The following TENM4 variants were observed in gnomAD, a reference collection of about 807,000 sequenced individuals.
The protein encoded by TENM4 is teneurin transmembrane protein 4.
In TENM4, 82 loss-of-function variants were observed where a neutral mutation model predicts 243.3. The observed-to-expected ratio is 0.34, with a 90% CI of 0.28 to 0.40. TENM4 has a LOEUF of 0.40. Ranked by LOEUF, TENM4 falls within the 10% of genes least tolerant of loss-of-function variation. The pLI is 1.00. For synonymous variants in TENM4, 1,412 were observed against 1,456.3 expected (o/e 0.97, Z 0.69); for missense variants, 3,138 against 3,673.3 (o/e 0.85, Z 3.77).
chr11:78,658,668 C>G lies in TENM4; in HGVS notation c.7700G>C (p.Gly2567Ala). Residue 2567 changes from glycine to alanine, a missense_variant, in exon 34 of 34, where the codon GGC becomes GCC. Gly to Ala is a moderately conservative substitution (Grantham distance 60, BLOSUM62 0). This residue lies in a region of TENM4 where 2,467 missense variants were observed against 3,059.1 expected (regional missense o/e 0.81). Coordinates refer to ENST00000278550, the MANE Select transcript of TENM4 (RefSeq NM_001098816.3). ...KKFASSGSVF[G>A]KGVKFALKDG... ...CTTCAAGGCAAACTTGACCCCCTTG[C>G]CAAAGACTGAGCCGCTGGATGCAAA... 6.2e-7 allele frequency: 1 copy of G among 1,614,074 alleles called. No homozygotes were observed.
At chr11:79,411,458 C>A (rs1415217774) in intron 1 of TENM4, among the ~76,000 whole-genome samples, 1 of 152,196 alleles carries the variant, frequency 6.6e-6, no homozygotes, top group Non-Finnish European at 1.5e-5. Flanking sequence ...TGCTCTCCAG[C>A]GTGAAGCAAG....
chr11:78,977,129 G>A (rs1457973722), intron 6 of TENM4, among the ~76,000 whole-genome samples: 7 of 152,154 alleles, frequency 4.6e-5, no homozygotes, highest in African/African-American at 1.7e-4. Context: ...TGTCATCTCT[G>A]GCATTCCCTG....
chr11:79,075,872 C>T (rs143695665), intron 4 of TENM4, among the ~76,000 whole-genome samples: 8 of 152,334 alleles, frequency 5.3e-5, no homozygotes, highest in Admixed American at 5.2e-4. Flanking sequence ...TTTTCACAAA[C>T]TGTTGCAGAC....
intron 2 of TENM4, among the ~76,000 whole-genome samples, chr11:79,224,544 C>G (rs2135246087): frequency 6.6e-6 from 1 of 152,232 alleles, no homozygotes; most frequent in East Asian, 1.9e-4. Context: ...AGTCCAAACC[C>G]CCAGTACTGC....
intron 3 of TENM4, among the ~76,000 whole-genome samples, chr11:79,168,997 C>G (rs1359509187): frequency 6.6e-6 from 1 of 152,208 alleles, no homozygotes; most frequent in African/African-American, 2.4e-5. Flanking sequence ...CAGCCTTCAG[C>G]TGATCCACCA....
intron 23 of TENM4, among the ~76,000 whole-genome samples, chr11:78,724,248 C>G (rs138362327): frequency 7.6e-4 from 116 of 152,228 alleles, no homozygotes; most frequent in African/African-American, 2.6e-3. Flanking sequence ...CCACACCCAG[C>G]TAATTTTTTA....
At chr11:79,345,123 A>C (rs1049890333) in intron 1 of TENM4, among the ~76,000 whole-genome samples, 8 of 152,220 alleles carry the variant, frequency 5.3e-5, no homozygotes, top group Non-Finnish European at 8.8e-5. Context: ...GATGCTGGTA[A>C]TGTGTATTCA....
chr11:78,786,623 G>A (rs77134776), intron 16 of TENM4, among the ~76,000 whole-genome samples: 2,125 of 152,336 alleles, frequency 0.014, 27 homozygotes, highest in Non-Finnish European at 0.021. Flanking sequence ...GATCCATACC[G>A]CATGTAGCCT....
intron 27 of TENM4, 93 bp downstream of exon 27, chr11:78,708,268 C>A: frequency 6.5e-7 from 1 of 1,534,284 alleles, no homozygotes; most frequent in Non-Finnish European, 8.9e-7. Context: ...AAAGGCTTAT[C>A]AGTGCAAAGA....
chr11:78,676,899 A>G (rs1858491873), intron 29 of TENM4, among the ~76,000 whole-genome samples: 1 of 152,228 alleles, frequency 6.6e-6, no homozygotes, highest in African/African-American at 2.4e-5. Flanking sequence ...AAAAGGCTAC[A>G]TATTGTCTGA....
At chr11:79,388,556 C>T (rs925682529) in intron 1 of TENM4, among the ~76,000 whole-genome samples, 2 of 152,158 alleles carry the variant, frequency 1.3e-5, no homozygotes, top group Non-Finnish European at 2.9e-5. Context: ...AGATCTGGCT[C>T]CTTTGGGCGT....
intron 1 of TENM4, among the ~76,000 whole-genome samples, chr11:79,383,244 T>C (rs554036371): frequency 2.6e-5 from 4 of 152,318 alleles, no homozygotes; most frequent in Non-Finnish European, 5.9e-5. Context: ...AGCACTACAA[T>C]GCCAGCTCCT....
chr11:78,847,080 G>A (rs1046597399), intron 12 of TENM4, among the ~76,000 whole-genome samples: 7 of 152,018 alleles, frequency 4.6e-5, no homozygotes, highest in African/African-American at 9.7e-5. Flanking sequence ...CATAAGCCCC[G>A]GAACTATAGC....
chr11:79,030,356 G>A (rs1173013690), intron 6 of TENM4, among the ~76,000 whole-genome samples: 1 of 152,200 alleles, frequency 6.6e-6, no homozygotes. Flanking sequence ...GGGTTCCCAA[G>A]TCCTCACTTG....
At chr11:79,350,934 A>G (rs79899627) in intron 1 of TENM4, among the ~76,000 whole-genome samples, 2,643 of 152,086 alleles carry the variant, frequency 0.017, 75 homozygotes, top group African/African-American at 0.061. Context: ...CTGGCCTCCA[A>G]GATTCTATGT....
chr11:79,374,869 A>T (rs972017559), intron 1 of TENM4, among the ~76,000 whole-genome samples: 1 of 152,170 alleles, frequency 6.6e-6, no homozygotes, highest in East Asian at 1.9e-4. Flanking sequence ...AGCCGGGGGT[A>T]ATTAGTAAAC....
chr11:78,669,424 G>A lies in TENM4; in HGVS notation c.6921C>T (p.Ser2307=). ...GRRVSSKSSH[S]HHLQFFYADL... is the part of the protein sequence containing the mutation. ...CTGCATAGAAGAACTGCAGGTGGTGGCTGTGGCTGCTCTTGCTGGACACGC... is the reference window on the plus strand; with the variant it reads ...CTGCATAGAAGAACTGCAGGTGGTGACTGTGGCTGCTCTTGCTGGACACGC... The change falls in exon 32 of 34, where the codon AGC becomes AGT. Residue 2307 remains serine (S), a synonymous_variant. Transcript: ENST00000278550. The surrounding 1 kb of genome is among the most constrained non-coding windows in gnomAD (Gnocchi z 6.4). 1.2e-6 allele frequency: 2 copies of A among 1,613,036 alleles called. No homozygotes were observed. The highest frequency in any genetic ancestry group is 1.7e-6 in the Non-Finnish European group (2 of 1,179,282).
chr11:79,332,187 G>A (rs1857072034), intron 1 of TENM4, among the ~76,000 whole-genome samples: 1 of 152,216 alleles, frequency 6.6e-6, no homozygotes, highest in Non-Finnish European at 1.5e-5. Flanking sequence ...GCTGGGACAT[G>A]AGCCAAGGTA....
chr11:79,141,086 C>T (rs1862277178), intron 4 of TENM4, among the ~76,000 whole-genome samples: 1 of 152,116 alleles, frequency 6.6e-6, no homozygotes, highest in African/African-American at 2.4e-5. Context: ...AACACAGAAT[C>T]ATCAGCAGCA....
Sources: allele counts gnomAD v4.1 joint callset (sites outside exome capture counted in the v4.1 genomes callset), GRCh38; gene constraint gnomAD v4.1.1; regional missense constraint gnomAD v4.1.1; non-coding constraint Gnocchi (gnomAD v3.1); transcripts MANE v1.5; gene names NCBI Gene and HGNC (gene_info 2026-07-23, HGNC 2026-07-21).